The following PPP1R9A variants were observed in gnomAD, a reference collection of about 807,000 sequenced individuals.
PPP1R9A encodes the protein neurabin-1.
Under a neutral mutation model 141.9 loss-of-function variants are expected in PPP1R9A, and 59 were observed. The observed-to-expected ratio is 0.42, with a 90% CI of 0.34 to 0.52. The LOEUF is 0.52. Ranked by LOEUF, PPP1R9A falls within the 20% of genes least tolerant of loss-of-function variation. The pLI, the probability that PPP1R9A is intolerant of heterozygous loss-of-function variation, is 0.10. For missense variants in PPP1R9A, 1,444 were observed against 1,611.9 expected (o/e 0.90, Z 1.78); for synonymous variants, 500 against 569.7 (o/e 0.88, Z 1.74).
chr7:95,273,808 A>G, intron 14 of PPP1R9A, 91 bp from the exon 15 acceptor site: 1 of 1,199,946 alleles, frequency 8.3e-7, no homozygotes, highest in Admixed American at 2.4e-5. Flanking sequence ...GAATTTAGGC[A>G]AAGCCCTTAG....
rs531224821 is a variant in PPP1R9A at position 94,985,180 on chromosome 7, G to T, written c.1395+73672G>T. Among the ~76,000 whole-genome samples, 3 of 152,268 alleles carry T rather than the reference G, an allele frequency of 2.0e-5. No homozygotes were observed. The East Asian group carries it at 5.8e-4, about 29-fold the overall frequency. ...CTTAACCCTGAGTTCTAGTTTGATT[G>T]CACTGTGGTCTGAGAGACAGTTTAT... On this transcript the variant is annotated intron_variant, in intron 2 of 19. Transcript: ENST00000433360.
intron 4 of PPP1R9A, among the ~76,000 whole-genome samples, chr7:95,143,853 G>GT (rs149776837): frequency 0.02 from 3,039 of 148,736 alleles, 92 homozygotes; most frequent in African/African-American, 0.066. Flanking sequence ...TTTTTAATTT[G>GT]TTTTTTTTTC....
intron 2 of PPP1R9A, among the ~76,000 whole-genome samples, chr7:95,061,107 A>G (rs1812169457): frequency 6.6e-6 from 1 of 152,158 alleles, no homozygotes; most frequent in Non-Finnish European, 1.5e-5. Context: ...TCCCATAGTA[A>G]CATGGAATTT....
Position 94,944,094 on chromosome 7 carries a change from G to A in PPP1R9A, c.1395+32586G>A, listed in dbSNP as rs116422298. 7.5e-3 allele frequency among the ~76,000 whole-genome samples: 1,140 copies of A among 152,178 alleles called. 19 individuals are homozygous for A. The highest frequency in any genetic ancestry group is 0.026 in the African/African-American group (1,064 of 41,520). Reference sequence around the variant, plus strand: ...TTTTGATACATGTATACAATCCCTAGTGATCAAATCAGGGTAACTGAGATA... The same window carrying A: ...TTTTGATACATGTATACAATCCCTAATGATCAAATCAGGGTAACTGAGATA... On this transcript the variant is annotated intron_variant, in intron 2 of 19. Transcript: ENST00000433360.
In PPP1R9A at chr7:95,290,078, GTTTC is replaced by G; in HGVS notation, c.3913-6_3913-3del. 6.2e-7 allele frequency: 1 copy of G among 1,611,918 alleles called. No homozygotes were observed. The highest frequency in any genetic ancestry group is 8.5e-7 in the Non-Finnish European group (1 of 1,179,386). ...GTTTTCAAATTCAGTTTGTGTGTGT[GTTTC>G]TTTCTTAGGCTCTTGGAATGACAGC... On this transcript the variant is annotated splice_polypyrimidine_tract_variant and intron_variant, in intron 19 of 19. Coordinates refer to ENST00000433360, the MANE Select transcript of PPP1R9A (RefSeq NM_001166160.2).
At chr7:94,990,896 G>A (rs1801423841) in intron 2 of PPP1R9A, among the ~76,000 whole-genome samples, 1 of 151,786 alleles carries the variant, frequency 6.6e-6, no homozygotes. Flanking sequence ...CTTTTTTATG[G>A]CTGAATAGTA....
chr7:95,160,042 C>T (rs187229150), intron 4 of PPP1R9A, among the ~76,000 whole-genome samples: 197 of 151,408 alleles, frequency 1.3e-3, no homozygotes, highest in Non-Finnish European at 1.9e-3. Context: ...TGTTTGACTA[C>T]ATTTCTCATG....
intron 3 of PPP1R9A, among the ~76,000 whole-genome samples, chr7:95,113,463 T>G (rs1455577166): frequency 2.0e-5 from 3 of 152,192 alleles, no homozygotes; most frequent in African/African-American, 7.2e-5. Flanking sequence ...CACTTAGGCA[T>G]AGCCTGGGAA....
chr7:95,237,228 C>T (rs1251399901), intron 8 of PPP1R9A, among the ~76,000 whole-genome samples: 2 of 147,866 alleles, frequency 1.4e-5, no homozygotes, highest in Admixed American at 6.8e-5. Flanking sequence ...TGGAGTCTCA[C>T]TCTGTCTCCC....
intron 7 of PPP1R9A, among the ~76,000 whole-genome samples, chr7:95,205,050 G>A (rs59217153): frequency 0.053 from 8,112 of 151,852 alleles, 506 homozygotes; most frequent in East Asian, 0.35. Flanking sequence ...GATCCCACGG[G>A]GTAGACATCC....
In PPP1R9A at chr7:94,909,903, C is replaced by A; in HGVS notation, c.-211C>A. 4.6e-6 allele frequency: 2 copies of A among 433,442 alleles called. No homozygotes were observed. Among genetic ancestry groups the A allele is most frequent in the Non-Finnish European group, 8.2e-6 (2 of 244,066 alleles). 26.8% of individuals were successfully genotyped at this position (433,442 alleles called of 1,614,324 possible). ...TTCATTCTTTTCTATTGCAGATGAA[C>A]CTCTAGTCTTGCTTTGAAAAAATCA... On this transcript the variant is annotated 5_prime_UTR_variant, in exon 2 of 20. Transcript: ENST00000433360.
intron 14 of PPP1R9A, among the ~76,000 whole-genome samples, chr7:95,271,123 A>C (rs939462777): frequency 6.6e-6 from 1 of 152,208 alleles, no homozygotes; most frequent in African/African-American, 2.4e-5. Flanking sequence ...TTAAAGGTAC[A>C]AGGCTATCCC....
intron 2 of PPP1R9A, among the ~76,000 whole-genome samples, chr7:94,959,031 C>T (rs1304141249): frequency 1.3e-5 from 2 of 151,858 alleles, no homozygotes; most frequent in African/African-American, 4.8e-5. Flanking sequence ...CAAACTAAAT[C>T]CAGCATATGA....
rs770451849 is a variant in PPP1R9A at position 95,286,311 on chromosome 7, C to T, written c.3715C>T (p.Leu1239=). The T allele has an allele frequency of 4.3e-6, 7 of 1,613,330 alleles. No individual in the cohort carries two copies. Among genetic ancestry groups the T allele is most frequent in the Non-Finnish European group, 5.9e-6 (7 of 1,179,536 alleles). Residue 1239 remains leucine (L), a synonymous_variant, in exon 18 of 20, where the codon CTG becomes TTG. Coordinates refer to ENST00000433360, the MANE Select transcript of PPP1R9A (RefSeq NM_001166160.2). The part of the protein sequence containing the change: ...KTPGLSQSLA[L]SSDEILDDGQ... The stretch of plus-strand genomic sequence containing the variant: ...ACCAGGGCTCTCTCAGTCCTTAGCA[C>T]TGTCATCAGATGAGGTAATTCCATG...
At chr7:95,017,640 C>G (rs1025031326) in intron 2 of PPP1R9A, among the ~76,000 whole-genome samples, 4 of 152,134 alleles carry the variant, frequency 2.6e-5, no homozygotes, top group African/African-American at 9.6e-5. Context: ...TAAAAAGGAC[C>G]TGGAATAACC....
At chr7:95,068,778 G>C (rs1030924443) in intron 2 of PPP1R9A, among the ~76,000 whole-genome samples, 8 of 152,156 alleles carry the variant, frequency 5.3e-5, no homozygotes, top group Admixed American at 2.6e-4. Flanking sequence ...CTACACACTT[G>C]AGTGGAGATG....
intron 2 of PPP1R9A, among the ~76,000 whole-genome samples, chr7:94,971,862 G>A (rs1463428324): frequency 1.3e-5 from 2 of 152,234 alleles, no homozygotes; most frequent in South Asian, 2.1e-4. Flanking sequence ...AAATTGGTTA[G>A]GATATAAGAA....
At chr7:95,141,189 T>C (rs1454502790) in intron 4 of PPP1R9A, among the ~76,000 whole-genome samples, 1 of 152,168 alleles carries the variant, frequency 6.6e-6, no homozygotes, top group Non-Finnish European at 1.5e-5. Flanking sequence ...TCAAAAATGA[T>C]AATCTAGGAT....
chr7:95,054,827 CT>C (rs1811298436), intron 2 of PPP1R9A, among the ~76,000 whole-genome samples: 1 of 152,084 alleles, frequency 6.6e-6, no homozygotes, highest in African/African-American at 2.4e-5. Flanking sequence ...TTACTTGTTT[CT>C]TCATAAAATG....
Sources: gnomAD v4.1 joint callset for allele counts (sites outside exome capture counted in the v4.1 genomes callset) on GRCh38, gnomAD v4.1.1 for gene constraint, MANE v1.5 for transcripts, NCBI Gene and HGNC (gene_info 2026-07-23, HGNC 2026-07-21) for gene names.